Variants in CCDC14 observed in about 807,000 individuals in gnomAD.
CCDC14 encodes the protein coiled-coil domain containing 14.
Under a neutral mutation model 81.4 loss-of-function variants are expected in CCDC14, and 71 were observed. That is an observed-to-expected ratio of 0.87 (90% CI 0.72 to 1.06). CCDC14 has a LOEUF of 1.06. CCDC14 is among the 50% of genes least tolerant of loss of function. The pLI is 0.00. For synonymous variants in CCDC14, 332 were observed against 364.8 expected, an observed-to-expected ratio of 0.91 and a Z score of 1.03; for missense variants, 1,046 against 1,047.3, an observed-to-expected ratio of 1.00 and a Z score of 0.02.
intron 7 of CCDC14, among the ~76,000 whole-genome samples, chr3:123,948,367 G>A (rs1425101206): frequency 1.3e-5 from 2 of 151,460 alleles, no homozygotes; most frequent in African/African-American, 4.8e-5. Context: ...TCAGCCTCCC[G>A]AGTAGCTGGG....
At chr3:123,912,117 A>T (rs562533795), downstream of CCDC14, among the ~76,000 whole-genome samples, 1 of 152,292 alleles carries the variant, frequency 6.6e-6, no homozygotes, top group Non-Finnish European at 1.5e-5. Context: ...ACCTCCACAG[A>T]TCAAAGACCG....
chr3:123,918,254 C>T (rs2034825170), intron 12 of CCDC14, among the ~76,000 whole-genome samples: 1 of 152,220 alleles, frequency 6.6e-6, no homozygotes, highest in Non-Finnish European at 1.5e-5. Context: ...ACACTGTCCT[C>T]TTAAACACAC....
chr3:123,926,367 GC>G (rs2035361179), intron 12 of CCDC14, among the ~76,000 whole-genome samples: 1 of 151,732 alleles, frequency 6.6e-6, no homozygotes, highest in African/African-American at 2.4e-5. Flanking sequence ...ACATAATTCA[GC>G]TAAAGACACT....
chr3:123,887,135 A>G, the CCDC14 span, among the ~76,000 whole-genome samples: 3 of 152,142 alleles, frequency 2.0e-5, no homozygotes, highest in African/African-American at 7.2e-5. Context: ...TTATAGTTAT[A>G]CTCTATCTAA....
rs947715888 is a variant in CCDC14, at chr3:123,952,665, AG to A, written c.352+3177del. On this transcript the variant is annotated intron_variant, in intron 5 of 12. Coordinates refer to ENST00000409697, the MANE Select transcript of CCDC14 (RefSeq NM_001366335.1). ...TATCATCCCAGATAGAAAGTACATAAGGAGGCCACTCCCCAGAAGACAGTTA... is the reference window on the plus strand; with the variant it reads ...TATCATCCCAGATAGAAAGTACATAAGAGGCCACTCCCCAGAAGACAGTTA... 3.7e-4 allele frequency: 191 copies of A among 518,554 alleles called. 4 individuals are homozygous for A. The Middle Eastern group carries it at 0.014, about 39-fold the overall frequency. 32.1% of individuals were successfully genotyped at this position (518,554 alleles called of 1,614,324 possible). A position where few individuals can be genotyped will look rare whatever the true frequency, so the allele number is the denominator to read the frequency against.
intron 10 of CCDC14, chr3:123,933,411 G>A (rs556867146): frequency 1.5e-4 from 60 of 411,140 alleles, no homozygotes; most frequent in Non-Finnish European, 9.5e-5. Context: ...TTTGTGCCTG[G>A]CACACAGTAG....
downstream of CCDC14, among the ~76,000 whole-genome samples, chr3:123,913,134 T>C (rs1382783330): frequency 1.3e-5 from 2 of 152,206 alleles, no homozygotes; most frequent in Non-Finnish European, 2.9e-5. Flanking sequence ...ATATTCCATC[T>C]TGAAATTTAA....
chr3:123,885,703 G>A, the CCDC14 span, among the ~76,000 whole-genome samples: 1 of 152,038 alleles, frequency 6.6e-6, no homozygotes, highest in Non-Finnish European at 1.5e-5. Flanking sequence ...AGATGGTTGT[G>A]TGTTCTTTTC....
chr3:123,887,178 T>A, the CCDC14 span, among the ~76,000 whole-genome samples: 4 of 152,314 alleles, frequency 2.6e-5, no homozygotes, highest in African/African-American at 9.6e-5. Context: ...TATACCATAA[T>A]CTTCCTATTT....
chr3:123,912,273 G>C (rs915803921), downstream of CCDC14, among the ~76,000 whole-genome samples: 2 of 152,204 alleles, frequency 1.3e-5, no homozygotes, highest in Non-Finnish European at 2.9e-5. Flanking sequence ...TGAAAGGGCT[G>C]AGAGGGCTGG....
rs549758898 is a variant in CCDC14 at position 123,921,317 on chromosome 3, C to T, written c.1779-5599G>A. 4.6e-5 allele frequency among the ~76,000 whole-genome samples: 7 copies of T among 151,952 alleles called. No individual in the cohort carries two copies. The South Asian group carries it at 6.2e-4, about 14-fold the overall frequency. ...CTCTAAGGTAAAGCACACACATAGACGGAAAGTGAAGAGATGGAAAAATAT... is the reference window on the plus strand; with the variant it reads ...CTCTAAGGTAAAGCACACACATAGATGGAAAGTGAAGAGATGGAAAAATAT... On this transcript the variant is annotated intron_variant, in intron 12 of 12. Transcript: ENST00000409697.
At chr3:123,915,875 T>C (rs1231952569) in intron 12 of CCDC14, among the ~76,000 whole-genome samples, 157 bp from the exon 13 acceptor site, 2 of 152,196 alleles carry the variant, frequency 1.3e-5, no homozygotes, top group Non-Finnish European at 2.9e-5. Flanking sequence ...GAACGTGCTT[T>C]GGCAAGAGCA....
At chr3:123,901,459 A>G (rs1328751178) in intron 5 of CCDC14, among the ~76,000 whole-genome samples, 1 of 151,898 alleles carries the variant, frequency 6.6e-6, no homozygotes, top group African/African-American at 2.4e-5. Context: ...TTTTTTTACT[A>G]TGCAGACATA....
intron 5 of CCDC14, among the ~76,000 whole-genome samples, chr3:123,906,442 G>A (rs1267716450): frequency 1.3e-5 from 2 of 150,498 alleles, no homozygotes. Flanking sequence ...AAAAAAAAAG[G>A]AGACATGAAA....
At chr3:123,907,966 C>A (rs13071800) in intron 5 of CCDC14, among the ~76,000 whole-genome samples, 68,121 of 151,654 alleles carry the variant, frequency 0.45, 18,067 homozygotes, top group Non-Finnish European at 0.62. Context: ...AAAGGGGCCA[C>A]TTTACATTAC....
chr3:123,944,744 C>T, intron 9 of CCDC14, 105 bp downstream of exon 9: 1 of 727,246 alleles, frequency 1.4e-6, no homozygotes, highest in South Asian at 3.8e-5. Context: ...AGTAAGACAG[C>T]AAATAAATTT....
intron 9 of CCDC14, 53 bp downstream of exon 9, chr3:123,944,796 G>A: frequency 6.7e-7 from 1 of 1,498,620 alleles, no homozygotes; most frequent in Admixed American, 1.8e-5. Context: ...CCTTTGTTCT[G>A]GCCAGGAGAC....
At chr3:123,935,676 A>G (rs1445968987) in intron 9 of CCDC14, among the ~76,000 whole-genome samples, 7 of 152,184 alleles carry the variant, frequency 4.6e-5, no homozygotes, top group Admixed American at 3.3e-4. Flanking sequence ...ATGTGAGCTT[A>G]TTTTTGTTTT....
At position 123,954,596 on chromosome 3, in the gene CCDC14, T is replaced by C. The variant is rs1317381670; in HGVS notation, c.352+1247A>G. 46 of 152,104 alleles carry C rather than the reference T, an allele frequency of 3.0e-4. 1 individual carries two copies. Among genetic ancestry groups the C allele is most frequent in the Admixed American group, 2.9e-3 (45 of 15,260 alleles). The allele number at this position is 152,104 out of a possible 1,614,324, so 9.4% of individuals were successfully genotyped here. A position where few individuals can be genotyped will look rare whatever the true frequency, so the allele number is the denominator to read the frequency against. On this transcript the variant is annotated intron_variant, in intron 5 of 12. Coordinates refer to ENST00000409697, the MANE Select transcript of CCDC14 (RefSeq NM_001366335.1). Reference sequence around the variant, plus strand: ...AATATTAACATTTCAGTGTATAATATAAATAACTGAAATTTTGTATTAAAT... The same window carrying C: ...AATATTAACATTTCAGTGTATAATACAAATAACTGAAATTTTGTATTAAAT...
Sources: gnomAD v4.1 joint callset for allele counts (sites outside exome capture counted in the v4.1 genomes callset) on GRCh38, gnomAD v4.1.1 for gene constraint, MANE v1.5 for transcripts, NCBI Gene and HGNC (gene_info 2026-07-23, HGNC 2026-07-21) for gene names.